Variants in SEMA5A observed in about 807,000 individuals in gnomAD.
The protein encoded by SEMA5A is semaphorin-5A.
Under a neutral mutation model 135.5 loss-of-function variants are expected in SEMA5A, and 55 were observed. The observed-to-expected ratio is 0.41, with a 90% CI of 0.33 to 0.51. The LOEUF (loss-of-function observed/expected upper bound fraction) is 0.51. Ranked by LOEUF, SEMA5A falls within the 20% of genes least tolerant of loss-of-function variation. SEMA5A has a pLI of 0.37. For missense variants in SEMA5A, 1,290 were observed against 1,419.9 expected (o/e 0.91, Z 1.47); for synonymous variants, 580 against 546.5 (o/e 1.06, Z -0.85).
At chr5:9,154,088 T>TGG (rs1742806265) in intron 12 of SEMA5A, among the ~76,000 whole-genome samples, 1 of 106,912 alleles carries the variant, frequency 9.4e-6, no homozygotes, top group Non-Finnish European at 1.9e-5. Flanking sequence ...TATATATATA[T>TGG]ATATATGTGT....
intron 10 of SEMA5A, among the ~76,000 whole-genome samples, chr5:9,191,247 T>C (rs1745096596): frequency 6.6e-6 from 1 of 152,058 alleles, no homozygotes; most frequent in Non-Finnish European, 1.5e-5. Flanking sequence ...GAACCTGGGA[T>C]ATGCAAGGGG....
At chr5:9,117,501 A>C (rs532304302) in intron 15 of SEMA5A, among the ~76,000 whole-genome samples, 5 of 152,322 alleles carry the variant, frequency 3.3e-5, no homozygotes, top group African/African-American at 1.2e-4. Flanking sequence ...CTAAATACAA[A>C]ATTCATTCAT....
intron 16 of SEMA5A, among the ~76,000 whole-genome samples, chr5:9,069,466 C>A (rs1055460807): frequency 6.6e-6 from 1 of 152,134 alleles, no homozygotes; most frequent in Non-Finnish European, 1.5e-5. Flanking sequence ...TAGTATGTTT[C>A]CAGTGGGATA....
Position 9,038,222 on chromosome 5 carries a change from T to C in SEMA5A, c.*4675A>G, listed in dbSNP as rs1735758893. On this transcript the variant is annotated 3_prime_UTR_variant, in exon 23 of 23. Transcript: ENST00000382496. ...AAGAATTTGCATATAGTTAAGGTTA[T>C]TAGTACCGTCATAGAAATTGATTAT... 1 of 152,232 alleles carries C rather than the reference T, an allele frequency of 6.6e-6. No homozygotes were observed. The allele number at this position is 152,232 out of a possible 1,614,324, so 9.4% of individuals were successfully genotyped here. A position where few individuals can be genotyped will look rare whatever the true frequency, so the allele number is the denominator to read the frequency against.
chr5:9,172,190 G>T (rs1743960974), intron 11 of SEMA5A, among the ~76,000 whole-genome samples: 1 of 152,134 alleles, frequency 6.6e-6, no homozygotes, highest in Non-Finnish European at 1.5e-5. Context: ...CCAGACAACT[G>T]GCTATTATCC....
chr5:9,128,197 C>T (rs755404388), intron 13 of SEMA5A, among the ~76,000 whole-genome samples: 7 of 152,254 alleles, frequency 4.6e-5, no homozygotes, highest in East Asian at 1.9e-4. Flanking sequence ...CTGGCACCAC[C>T]GGCCATGCTT....
intron 8 of SEMA5A, among the ~76,000 whole-genome samples, chr5:9,213,455 T>C (rs1746451773): frequency 1.3e-5 from 2 of 152,104 alleles, no homozygotes; most frequent in African/African-American, 2.4e-5. Context: ...AGGAGGGAGC[T>C]GTGATCTGAA....
intron 3 of SEMA5A, among the ~76,000 whole-genome samples, chr5:9,339,584 A>AG (rs1284324823): frequency 6.6e-6 from 1 of 152,232 alleles, no homozygotes; most frequent in African/African-American, 2.4e-5. Flanking sequence ...AGTTCAAGAG[A>AG]GAAATAATCA....
At chr5:9,053,982 C>T in intron 19 of SEMA5A, 105 bp downstream of exon 19, 1 of 1,348,052 alleles carries the variant, frequency 7.4e-7, no homozygotes, top group South Asian at 1.5e-5. Flanking sequence ...GCCCACCCCC[C>T]TTTCAGTACT....
At chr5:9,054,030 A>C in intron 19 of SEMA5A, 57 bp downstream of exon 19, 1 of 1,538,180 alleles carries the variant, frequency 6.5e-7, no homozygotes, top group South Asian at 1.3e-5. Context: ...CCATTTATCC[A>C]TTAAGGAAAG....
In SEMA5A at chr5:9,471,499, A is replaced by C. The variant is rs576115419; in HGVS notation, c.-174-33647T>G. ...TACATAATCCACCAGAAAGACTGGA[A>C]GTTTTTCAGTACCAGCATAAGTAAG... On this transcript the variant is annotated intron_variant, in intron 1 of 22. Transcript: ENST00000382496. Among the ~76,000 whole-genome samples the C allele has an allele frequency of 5.3e-5, 8 of 152,342 alleles. 1 individual carries two copies. In the South Asian group the frequency reaches 1.7e-3, roughly 32 times the overall value.
At chr5:9,477,146 G>A (rs1759700024) in intron 1 of SEMA5A, among the ~76,000 whole-genome samples, 1 of 151,926 alleles carries the variant, frequency 6.6e-6, no homozygotes, top group South Asian at 2.1e-4. Context: ...CACCATGTAA[G>A]ACGTGCCTCT....
At chr5:9,287,730 C>G (rs1479968557) in intron 5 of SEMA5A, among the ~76,000 whole-genome samples, 4 of 152,128 alleles carry the variant, frequency 2.6e-5, no homozygotes, top group African/African-American at 9.7e-5. Flanking sequence ...GGCTTTGTAC[C>G]ATCATGGCAG....
chr5:9,432,685 T>G (rs1372979507), intron 2 of SEMA5A, among the ~76,000 whole-genome samples: 1 of 152,194 alleles, frequency 6.6e-6, no homozygotes, highest in Non-Finnish European at 1.5e-5. Flanking sequence ...TTAACATTAT[T>G]GTACGCACAT....
At position 9,437,850 on chromosome 5, in the gene SEMA5A, A is replaced by G. The variant is rs1459517218; in HGVS notation, c.-172T>C. On this transcript the variant is annotated splice_region_variant and 5_prime_UTR_variant, in exon 2 of 23. Coordinates refer to ENST00000382496, the MANE Select transcript of SEMA5A (RefSeq NM_003966.3). ...ACTCCAGCCCAAGTCTCACACACCA[A>G]CACTTCAAAAAAGAAAATAGAGAGA... The G allele has an allele frequency of 6.6e-6, 1 of 152,432 alleles. No homozygotes were observed. Among genetic ancestry groups the G allele is most frequent in the Non-Finnish European group, 1.5e-5 (1 of 68,044 alleles). The allele number at this position is 152,432 out of a possible 1,614,324, so 9.4% of individuals were successfully genotyped here. A position where few individuals can be genotyped will look rare whatever the true frequency, so the allele number is the denominator to read the frequency against.
chr5:9,294,222 C>T (rs1751223113), intron 5 of SEMA5A, among the ~76,000 whole-genome samples: 1 of 152,132 alleles, frequency 6.6e-6, no homozygotes, highest in South Asian at 2.1e-4. Context: ...CGGCTGCAGC[C>T]ACTCAAGGTT....
In SEMA5A at chr5:9,176,363, G is replaced by A. The variant is rs116094711; in HGVS notation, c.1273+13904C>T. On this transcript the variant is annotated intron_variant, in intron 11 of 22. Coordinates refer to ENST00000382496, the MANE Select transcript of SEMA5A (RefSeq NM_003966.3). ...CCATGAGGAAATAAACTTTGTTAATGAACTGAATAAGCTTGGAAACTGACT... is the reference window on the plus strand; with the variant it reads ...CCATGAGGAAATAAACTTTGTTAATAAACTGAATAAGCTTGGAAACTGACT... Among the ~76,000 whole-genome samples, 539 of 152,246 alleles carry A rather than the reference G, an allele frequency of 3.5e-3. 1 individual carries two copies. Among genetic ancestry groups the A allele is most frequent in the Non-Finnish European group, 5.2e-3 (354 of 68,014 alleles).
chr5:9,483,639 G>T (rs576687068), intron 1 of SEMA5A, among the ~76,000 whole-genome samples: 1 of 152,066 alleles, frequency 6.6e-6, no homozygotes, highest in East Asian at 1.9e-4. Context: ...CCCACAATAC[G>T]GATCCTGAGT....
In SEMA5A at chr5:9,050,407, T is replaced by C. The variant is rs1215539410; in HGVS notation, c.2893+3A>G. ...TTACAACTACTTAAAAGGAATAACG[T>C]ACCTCCACACCTTTTCTCTTCTACG... On this transcript the variant is annotated splice_donor_region_variant and intron_variant, in intron 21 of 22. Coordinates refer to ENST00000382496, the MANE Select transcript of SEMA5A (RefSeq NM_003966.3). The C allele has an allele frequency of 3.1e-6, 5 of 1,610,696 alleles. No individual in the cohort carries two copies. The highest frequency in any genetic ancestry group is 4.2e-6 in the Non-Finnish European group (5 of 1,178,426).
Sources: gnomAD v4.1 joint callset for allele counts (sites outside exome capture counted in the v4.1 genomes callset) on GRCh38, gnomAD v4.1.1 for gene constraint, MANE v1.5 for transcripts, NCBI Gene and HGNC (gene_info 2026-07-23, HGNC 2026-07-21) for gene names.